The following SPOUT1 variants were observed in gnomAD, a reference collection of about 807,000 sequenced individuals.
The protein encoded by SPOUT1 is 28S rRNA (uridine-N(3))-methyltransferase.
SPOUT1 carries 40 observed loss-of-function variants against 54.8 expected under a neutral mutation model. The ratio of observed to expected loss-of-function variants is 0.73; its 90% CI spans 0.57 to 0.95. The LOEUF (loss-of-function observed/expected upper bound fraction) is 0.95. SPOUT1 is among the 40% of genes least tolerant of loss of function. SPOUT1 has a pLI of 0.00. For missense variants in SPOUT1, 437 were observed against 499.5 expected (o/e 0.87, Z 1.19); for synonymous variants, 193 against 200.3 (o/e 0.96, Z 0.31).
At position 128,826,582 on chromosome 9, in the gene SPOUT1, C is replaced by G; in HGVS notation, c.416G>C (p.Cys139Ser). ...FTGVGKKGQA[C>S]VQLARILQYL... ...CTGCAGGATCCGGGCCAGCTGTACGCACGCCTGCCCCTTCTTCCCAACTCC... is the reference window on the plus strand; with the variant it reads ...CTGCAGGATCCGGGCCAGCTGTACGGACGCCTGCCCCTTCTTCCCAACTCC... Residue 139 changes from cysteine to serine, a missense_variant, in exon 5 of 12, where the codon TGC becomes TCC. Coordinates refer to ENST00000361256, the MANE Select transcript of SPOUT1 (RefSeq NM_016390.4). The surrounding 1 kb of genome is among the most constrained non-coding windows in gnomAD (Gnocchi z 5.5). 1 of 1,603,538 alleles carries G rather than the reference C, an allele frequency of 6.2e-7. No individual in the cohort carries two copies. Among genetic ancestry groups the G allele is most frequent in the Non-Finnish European group, 8.5e-7 (1 of 1,174,238 alleles).
At position 128,826,502 on chromosome 9, in the gene SPOUT1, A is replaced by G. The variant is rs1386859130; in HGVS notation, c.458+38T>C. Reference sequence around the variant, plus strand: ...CCTCCTACCTGGTCTCCACTTTGACACACCCCTCCCTCATGCTTAGGGGAG... The same window carrying G: ...CCTCCTACCTGGTCTCCACTTTGACGCACCCCTCCCTCATGCTTAGGGGAG... On this transcript the variant is annotated intron_variant, in intron 5 of 11. Transcript: ENST00000361256. This position sits in a 1 kb window ranked among gnomAD's most constrained non-coding sequence, Gnocchi z 5.5. 2.5e-6 allele frequency: 4 copies of G among 1,610,866 alleles called. No individual in the cohort carries two copies. Among genetic ancestry groups the G allele is most frequent in the Admixed American group, 1.7e-5 (1 of 59,964 alleles).
chr9:128,827,973 G>T (rs1156444998), intron 3 of SPOUT1, among the ~76,000 whole-genome samples: 2 of 152,168 alleles, frequency 1.3e-5, no homozygotes, highest in African/African-American at 2.4e-5. Context: ...TTTCACTGTT[G>T]TAACATTGTA....
chr9:128,824,557 G>T (rs1212849066), intron 9 of SPOUT1, among the ~76,000 whole-genome samples: 1 of 152,106 alleles, frequency 6.6e-6, no homozygotes, highest in Non-Finnish European at 1.5e-5. Context: ...AAACATTATT[G>T]ATCAATAATG....
rs1463581315 is a variant in SPOUT1 at position 128,820,297 on chromosome 9, C to T, written c.*2468G>A. On this transcript the variant is annotated 3_prime_UTR_variant, in exon 12 of 12. Coordinates refer to ENST00000361256, the MANE Select transcript of SPOUT1 (RefSeq NM_016390.4). Reference sequence around the variant, plus strand: ...TTCTGGGAAGACAGCCCCCTATCCACTTTCCATTGTCCCAGGCCTGGAGAG... The same window carrying T: ...TTCTGGGAAGACAGCCCCCTATCCATTTTCCATTGTCCCAGGCCTGGAGAG... 2 of 158,636 alleles carry T rather than the reference C, an allele frequency of 1.3e-5. No individual in the cohort carries two copies. The highest frequency in any genetic ancestry group is 3.7e-4 in the East Asian group (2 of 5,468). The allele number at this position is 158,636 out of a possible 1,614,324, so 9.8% of individuals were successfully genotyped here.
rs1430371795 is a variant in SPOUT1, at chr9:128,822,270, G to C, written c.*495C>G. On this transcript the variant is annotated 3_prime_UTR_variant, in exon 12 of 12. Coordinates refer to ENST00000361256, the MANE Select transcript of SPOUT1 (RefSeq NM_016390.4). ...ACAGATCAGGGAAGGCTGCCTGGAA[G>C]AGGTGGCTTTGGGTTCATCCAGGCC... The C allele has an allele frequency of 1.3e-6, 2 of 1,576,854 alleles. No homozygotes were observed. The highest frequency in any genetic ancestry group is 1.7e-6 in the Non-Finnish European group (2 of 1,162,434).
rs114393976 is a variant in SPOUT1 at position 128,826,998 on chromosome 9, C to T, written c.368+34G>A. ...CCATCCCGGCAGCCCCTCCCTCTCCCTGAACCCTGGCACCCTGTGGGATGG... is the reference window on the plus strand; with the variant it reads ...CCATCCCGGCAGCCCCTCCCTCTCCTTGAACCCTGGCACCCTGTGGGATGG... On this transcript the variant is annotated intron_variant, in intron 4 of 11. Coordinates refer to ENST00000361256, the MANE Select transcript of SPOUT1 (RefSeq NM_016390.4). The surrounding 1 kb of genome is among the most constrained non-coding windows in gnomAD (Gnocchi z 5.5). The T allele has an allele frequency of 9.1e-4, 1,463 of 1,605,662 alleles. 14 individuals are homozygous for T. In the African/African-American group the frequency reaches 0.018, roughly 19 times the overall value.
rs2997920 is a variant in SPOUT1, at chr9:128,821,422, T to C, written c.*1343A>G. 0.98 allele frequency: 153,044 copies of C among 155,476 alleles called. 75,350 individuals are homozygous for C. Among genetic ancestry groups the C allele is most frequent in the Non-Finnish European group, 1 (71,254 of 71,454 alleles). 9.6% of individuals were successfully genotyped at this position (155,476 alleles called of 1,614,324 possible). A position where few individuals can be genotyped will look rare whatever the true frequency, so the allele number is the denominator to read the frequency against. ...AGGTCCCCAGTGCACCGAGCTCTCA[T>C]GCCTTCCCCCTGCAGGTCCGCGGTG... On this transcript the variant is annotated 3_prime_UTR_variant, in exon 12 of 12. Coordinates refer to ENST00000361256, the MANE Select transcript of SPOUT1 (RefSeq NM_016390.4).
rs1228815751 is a variant in SPOUT1 at position 128,829,747 on chromosome 9, G to A, written c.34C>T (p.Pro12Ser). 9.4e-6 allele frequency: 15 copies of A among 1,600,886 alleles called. No homozygotes were observed. Among genetic ancestry groups the A allele is most frequent in the Admixed American group, 5.2e-5 (3 of 57,980 alleles). The change falls in exon 1 of 12, where the codon CCG becomes TCG. Residue 12 changes from proline to serine, a missense_variant and splice_region_variant. By Grantham distance (74) the Pro-to-Ser change is moderately conservative. Transcript: ENST00000361256. ...GGGGTCCCGCCGCCCGCACTTACCG[G>A]GCCGCACGGCCGCTTCCTGCCGCGC... Reference protein sequence around the residue: ...AERGRKRPCGPGEHGQRIEWR... With the variant: ...AERGRKRPCGSGEHGQRIEWR...
At chr9:128,823,720 G>A (rs1830175323) in intron 11 of SPOUT1, 27 bp downstream of exon 11, 5 of 1,583,332 alleles carry the variant, frequency 3.2e-6, no homozygotes, top group Non-Finnish European at 3.4e-6. Flanking sequence ...CCCAGTGGCT[G>A]GCAGTCGGGG....
At position 128,823,847 on chromosome 9, in the gene SPOUT1, G is replaced by T. The variant is rs558471781; in HGVS notation, c.962C>A (p.Ala321Glu). The T allele has an allele frequency of 1.2e-6, 2 of 1,613,056 alleles. No individual in the cohort carries two copies. The highest frequency in any genetic ancestry group is 3.3e-5 in the Admixed American group (2 of 59,920). ...FGGLQGLEAGADADPNLEVAE... is the reference protein window; with the variant it reads ...FGGLQGLEAGEDADPNLEVAE... ...CACCTCCAGGTTGGGGTCAGCATCC[G>T]CTCCAGCTTCCAGACCCTGGAGGCC... The change falls in exon 11 of 12, where the codon GCG becomes GAG. Residue 321 changes from alanine to glutamate, a missense_variant. Transcript: ENST00000361256.
chr9:128,822,867 G>A (rs928847434), intron 11 of SPOUT1, 34 bp from the exon 12 acceptor site: 23 of 1,506,152 alleles, frequency 1.5e-5, no homozygotes, highest in Non-Finnish European at 2.1e-5. Context: ...GCTGGGGCCT[G>A]GGGGGCTAGC....
At chr9:128,823,071 C>T (rs2118787191) in intron 11 of SPOUT1, among the ~76,000 whole-genome samples, 1 of 152,276 alleles carries the variant, frequency 6.6e-6, no homozygotes, top group South Asian at 2.1e-4. Context: ...GGTAACAACG[C>T]CCACCTCCCA....
chr9:128,821,016 T>C lies in SPOUT1; in HGVS notation c.*1749A>G. On this transcript the variant is annotated 3_prime_UTR_variant, in exon 12 of 12. Transcript: ENST00000361256. ...CTGCCTCGAGTCCCCTCATTCCACC[T>C]CCACAGCCAAAGACCTGTCGGGTAC... is the stretch of plus-strand genomic sequence containing the variant. The C allele has an allele frequency of 1.6e-6, 1 of 634,156 alleles. No homozygotes were observed. The highest frequency in any genetic ancestry group is 2.8e-5 in the East Asian group (1 of 36,300). 39.3% of individuals were successfully genotyped at this position (634,156 alleles called of 1,614,324 possible).
rs746773001 is a variant in SPOUT1 at position 128,822,557 on chromosome 9, A to G, written c.*208T>C. The G allele has an allele frequency of 9.0e-6, 14 of 1,563,702 alleles. No homozygotes were observed. Among genetic ancestry groups the G allele is most frequent in the Non-Finnish European group, 1.2e-5 (14 of 1,153,786 alleles). ...GGCTTCGGGGCTGCTCTTTGTGCCA[A>G]ACATCCTGGCGCGGGCAGGCAGCCT... On this transcript the variant is annotated 3_prime_UTR_variant, in exon 12 of 12. Coordinates refer to ENST00000361256, the MANE Select transcript of SPOUT1 (RefSeq NM_016390.4).
intron 11 of SPOUT1, among the ~76,000 whole-genome samples, chr9:128,823,542 C>T (rs1830170879): frequency 6.6e-6 from 1 of 152,112 alleles, no homozygotes; most frequent in Admixed American, 6.6e-5. Context: ...AGTCTGGGAG[C>T]ACAGGACGGG....
intron 3 of SPOUT1, 51 bp from the exon 4 acceptor site, chr9:128,827,242 A>ACCTTTCTCTC: frequency 6.5e-7 from 1 of 1,532,028 alleles, no homozygotes; most frequent in Non-Finnish European, 8.9e-7. Flanking sequence ...AGGGCCCCCT[A>ACCTTTCTCTC]CCTTTCTCTC....
At chr9:128,824,725 C>T (rs1337900799) in intron 9 of SPOUT1, 46 bp downstream of exon 9, 1 of 1,475,588 alleles carries the variant, frequency 6.8e-7, no homozygotes, top group South Asian at 1.1e-5. Flanking sequence ...CCGGCCACCT[C>T]CCAGAGGGAT....
In SPOUT1 at chr9:128,826,410, G is replaced by A. The variant is rs1374271679; in HGVS notation, c.482C>T (p.Pro161Leu). Residue 161 changes from proline to leucine, a missense_variant, in exon 6 of 12, where the codon CCC becomes CTC. By Grantham distance (98) the Pro-to-Leu change is moderately conservative. Coordinates refer to ENST00000361256, the MANE Select transcript of SPOUT1 (RefSeq NM_016390.4). This position sits in a 1 kb window ranked among gnomAD's most constrained non-coding sequence, Gnocchi z 5.5. ...TGCAAACTGTAGATCCTGGTGCTTG[G>A]GGAAGAACGCCTTCCTCAGGTACCT... ...CPQYLRKAFF[P>L]KHQDLQFAGL... is the part of the protein sequence containing the mutation. 6.2e-7 allele frequency: 1 copy of A among 1,613,926 alleles called. No individual in the cohort carries two copies. The highest frequency in any genetic ancestry group is 8.5e-7 in the Non-Finnish European group (1 of 1,179,984).
chr9:128,826,506 C>T lies in SPOUT1; in HGVS notation c.458+34G>A, dbSNP rs1830244000. ...CTACCTGGTCTCCACTTTGACACAC[C>T]CCTCCCTCATGCTTAGGGGAGTGAC... On this transcript the variant is annotated intron_variant, in intron 5 of 11. Transcript: ENST00000361256. The surrounding 1 kb of genome is among the most constrained non-coding windows in gnomAD (Gnocchi z 5.5). The T allele has an allele frequency of 1.9e-6, 3 of 1,610,586 alleles. No individual in the cohort carries two copies. The highest frequency in any genetic ancestry group is 1.7e-4 in the Middle Eastern group (1 of 6,054).
Sources: allele counts gnomAD v4.1 joint callset (sites outside exome capture counted in the v4.1 genomes callset), GRCh38; gene constraint gnomAD v4.1.1; non-coding constraint Gnocchi (gnomAD v3.1); transcripts MANE v1.5; gene names NCBI Gene and HGNC (gene_info 2026-07-23, HGNC 2026-07-21).